The following CAP2 variants were observed in gnomAD, a reference collection of about 807,000 sequenced individuals.
CAP2 encodes cyclase associated actin cytoskeleton regulatory protein 2.
Under a neutral mutation model 57.7 loss-of-function variants are expected in CAP2, and 24 were observed. The observed-to-expected ratio is 0.42, with a 90% CI of 0.30 to 0.58. The LOEUF (loss-of-function observed/expected upper bound fraction) is 0.58, where lower values mean the gene tolerates loss of function less well. Ranked by LOEUF, CAP2 falls within the 20% of genes least tolerant of loss-of-function variation. The pLI is 0.22. For missense variants in CAP2, 501 were observed against 590.3 expected (o/e 0.85, Z 1.57); for synonymous variants, 194 against 207.2 (o/e 0.94, Z 0.55).
chr6:17,397,707 A>C (rs1758706317), intron 1 of CAP2, among the ~76,000 whole-genome samples: 1 of 148,446 alleles, frequency 6.7e-6, no homozygotes, highest in Non-Finnish European at 1.5e-5. Flanking sequence ...AAAAAAAAAA[A>C]AAAAAAAAAA....
intron 8 of CAP2, among the ~76,000 whole-genome samples, chr6:17,539,821 T>C (rs1005554359): frequency 6.6e-6 from 1 of 152,226 alleles, no homozygotes; most frequent in Non-Finnish European, 1.5e-5. Context: ...GGCTCACACC[T>C]GTAATCACAG....
At chr6:17,471,700 G>A (rs1761023577) in intron 4 of CAP2, among the ~76,000 whole-genome samples, 1 of 151,792 alleles carries the variant, frequency 6.6e-6, no homozygotes, top group Non-Finnish European at 1.5e-5. Flanking sequence ...GCATAGTGGC[G>A]GGTGCCTGTA....
At chr6:17,468,901 CT>C (rs1215587197) in intron 4 of CAP2, among the ~76,000 whole-genome samples, 6 of 152,372 alleles carry the variant, frequency 3.9e-5, no homozygotes, top group African/African-American at 1.4e-4. Context: ...CCTTTATTCA[CT>C]GTCCAGAGTC....
chr6:17,426,171 A>C (rs1759585982), intron 2 of CAP2, among the ~76,000 whole-genome samples: 1 of 152,112 alleles, frequency 6.6e-6, no homozygotes, highest in Non-Finnish European at 1.5e-5. Flanking sequence ...TGAATTGGTG[A>C]GAATGAAATT....
At chr6:17,457,084 C>T (rs1760590801) in intron 3 of CAP2, among the ~76,000 whole-genome samples, 2 of 152,184 alleles carry the variant, frequency 1.3e-5, no homozygotes, top group South Asian at 4.1e-4. Context: ...AGATGTTCCA[C>T]CAGCCTATCT....
At chr6:17,425,289 G>A (rs1425989129) in intron 2 of CAP2, among the ~76,000 whole-genome samples, 1 of 152,112 alleles carries the variant, frequency 6.6e-6, no homozygotes, top group Admixed American at 6.5e-5. Flanking sequence ...TAAAAGGCAG[G>A]GAAGGAAATG....
At chr6:17,411,097 C>T (rs938806121) in intron 1 of CAP2, among the ~76,000 whole-genome samples, 1 of 152,096 alleles carries the variant, frequency 6.6e-6, no homozygotes, top group African/African-American at 2.4e-5. Context: ...TTGAAGTTCA[C>T]TTGTTTTGTT....
chr6:17,524,074 C>CA lies in CAP2; in HGVS notation c.636+10142dup, dbSNP rs10523029. 9.9e-3 allele frequency among the ~76,000 whole-genome samples: 1,181 copies of CA among 118,698 alleles called. 24 individuals carry two copies. The highest frequency in any genetic ancestry group is 0.034 in the African/African-American group (877 of 26,088). The allele number at this position is 118,698 out of a possible 152,430, so 77.9% of individuals were successfully genotyped here. On this transcript the variant is annotated intron_variant, in intron 7 of 12. Coordinates refer to ENST00000229922, the MANE Select transcript of CAP2 (RefSeq NM_006366.3). ...CTGGTGACAGAGAAAGACTCTGTCT[C>CA]AAAAAAAAAAAAAAAAAAAAAAGGA...
chr6:17,512,235 T>C (rs927580631), intron 6 of CAP2, among the ~76,000 whole-genome samples: 1 of 151,662 alleles, frequency 6.6e-6, no homozygotes, highest in Non-Finnish European at 1.5e-5. Context: ...TACAAAAAAA[T>C]TTAAAAATTA....
At chr6:17,533,471 A>T (rs2113690954) in intron 7 of CAP2, among the ~76,000 whole-genome samples, 1 of 152,256 alleles carries the variant, frequency 6.6e-6, no homozygotes. Context: ...ATAGACCTTA[A>T]ATGCAGCATT....
intron 7 of CAP2, among the ~76,000 whole-genome samples, chr6:17,518,576 A>G (rs1762321466): frequency 6.6e-6 from 1 of 152,234 alleles, no homozygotes; most frequent in Non-Finnish European, 1.5e-5. Context: ...ATGAAAGACT[A>G]TAGAAAGATG....
At chr6:17,462,580 A>G (rs1262897212) in intron 3 of CAP2, among the ~76,000 whole-genome samples, 1 of 151,980 alleles carries the variant, frequency 6.6e-6, no homozygotes, top group Non-Finnish European at 1.5e-5. Flanking sequence ...CCCAGCACCC[A>G]CTGCTCTGTA....
intron 1 of CAP2, among the ~76,000 whole-genome samples, chr6:17,412,229 C>T (rs1759157590): frequency 6.6e-6 from 1 of 152,116 alleles, no homozygotes; most frequent in Admixed American, 6.5e-5. Flanking sequence ...GACAGCTGGC[C>T]AGCCCCCAGT....
Position 17,539,427 on chromosome 6 carries a change from C to G in CAP2, c.795C>G (p.Ala265=), listed in dbSNP as rs1346087702. 1.2e-6 allele frequency: 2 copies of G among 1,614,050 alleles called. No individual in the cohort carries two copies. The highest frequency in any genetic ancestry group is 3.3e-5 in the Admixed American group (2 of 60,014). Residue 265 remains alanine, a synonymous_variant, in exon 8 of 13, where the codon GCC becomes GCG. Coordinates refer to ENST00000229922, the MANE Select transcript of CAP2 (RefSeq NM_006366.3). ...CTCCTTCACGCTCAGCTTTATTTGCCCAACTTAACCAGGGAGAAGCAATTA... is the reference window on the plus strand; with the variant it reads ...CTCCTTCACGCTCAGCTTTATTTGCGCAACTTAACCAGGGAGAAGCAATTA... ...ESSPSRSALF[A]QLNQGEAITK...
chr6:17,438,466 T>G (rs1395568927), intron 3 of CAP2, among the ~76,000 whole-genome samples: 9 of 87,042 alleles, frequency 1.0e-4, no homozygotes, highest in Non-Finnish European at 1.1e-4. Context: ...TGAGACGGAA[T>G]CTTTGTCTGT....
chr6:17,491,077 A>G (rs1414974691), intron 4 of CAP2, among the ~76,000 whole-genome samples: 1 of 152,068 alleles, frequency 6.6e-6, no homozygotes, highest in Non-Finnish European at 1.5e-5. Flanking sequence ...CAGTGTCATT[A>G]ACATCATGTC....
chr6:17,500,022 G>A (rs1364525143), intron 4 of CAP2, among the ~76,000 whole-genome samples: 2 of 151,704 alleles, frequency 1.3e-5, no homozygotes, highest in Admixed American at 6.6e-5. Context: ...AATGGCAACT[G>A]TTGTAAAATC....
chr6:17,437,002 G>A (rs75261767), intron 3 of CAP2, among the ~76,000 whole-genome samples: 3,138 of 152,268 alleles, frequency 0.021, 92 homozygotes, highest in African/African-American at 0.066. Flanking sequence ...AGAATCTAAT[G>A]CCTTATGATC....
intron 1 of CAP2, among the ~76,000 whole-genome samples, chr6:17,400,393 A>G (rs1330616230): frequency 1.3e-5 from 2 of 152,178 alleles, no homozygotes; most frequent in South Asian, 2.1e-4. Context: ...TACTCCCCCT[A>G]TGTTGAGTGA....
Sources: allele counts gnomAD v4.1 joint callset (sites outside exome capture counted in the v4.1 genomes callset), GRCh38; gene constraint gnomAD v4.1.1; transcripts MANE v1.5; gene names NCBI Gene and HGNC (gene_info 2026-07-23, HGNC 2026-07-21).